Variants in RBFOX1 observed in about 807,000 individuals in gnomAD.
RBFOX1 encodes the protein RNA binding protein fox-1 homolog 1.
Under a neutral mutation model 57.7 loss-of-function variants are expected in RBFOX1, and 8 were observed. The observed-to-expected ratio is 0.14, with a 90% CI of 0.08 to 0.25. The LOEUF (loss-of-function observed/expected upper bound fraction) is 0.25. Ranked by LOEUF, RBFOX1 falls within the 10% of genes least tolerant of loss-of-function variation. The pLI, the probability that RBFOX1 is intolerant of heterozygous loss-of-function variation, is 1.00. For synonymous variants in RBFOX1, 326 were observed against 222.4 expected, an observed-to-expected ratio of 1.47 and a Z score of -4.15; for missense variants, 611 against 548.5, an observed-to-expected ratio of 1.11 and a Z score of -1.14.
intron 2 of RBFOX1, among the ~76,000 whole-genome samples, chr16:6,620,100 A>T (rs2098205736): frequency 6.6e-6 from 1 of 152,182 alleles, no homozygotes; most frequent in Non-Finnish European, 1.5e-5. Context: ...TTCTTTATCC[A>T]GTCTATCATT....
chr16:7,518,117 C>T (rs770732498), intron 4 of RBFOX1, 30 bp from the exon 5 acceptor site: 4 of 1,592,420 alleles, frequency 2.5e-6, no homozygotes, highest in South Asian at 1.1e-5. Context: ...ATGACGTTCT[C>T]TCCCTCTCTG....
chr16:5,940,587 T>C (rs776769371), intron 4 of RBFOX1, among the ~76,000 whole-genome samples: 10 of 152,182 alleles, frequency 6.6e-5, no homozygotes, highest in Admixed American at 1.3e-4. Flanking sequence ...TTTAAAAATT[T>C]CAATCAGGGC....
At chr16:5,276,510 C>T (rs766425033) in intron 1 of RBFOX1, among the ~76,000 whole-genome samples, 5 of 152,134 alleles carry the variant, frequency 3.3e-5, no homozygotes, top group East Asian at 1.9e-4. Context: ...TAGGGCCAGG[C>T]GCCGTGGCTG....
chr16:7,684,529 A>G (rs73496934), intron 14 of RBFOX1, among the ~76,000 whole-genome samples: 1,565 of 152,156 alleles, frequency 0.01, 26 homozygotes, highest in African/African-American at 0.036. Flanking sequence ...AATCATTTAG[A>G]TTGAAATGCT....
intron 1 of RBFOX1, among the ~76,000 whole-genome samples, chr16:6,205,004 T>A (rs952905501): frequency 2.6e-5 from 4 of 152,198 alleles, no homozygotes; most frequent in Non-Finnish European, 5.9e-5. Flanking sequence ...TGCCCTTTTT[T>A]AAATTACCAT....
chr16:5,934,793 G>A lies in RBFOX1; in HGVS notation c.351+67458G>A, dbSNP rs185860581. On this transcript the variant is annotated intron_variant, in intron 4 of 19. Coordinates refer to the RBFOX1 transcript ENST00000641259. ...CACAGACCAAGGCTGCACGATGGAT[G>A]AATAACATACTCAGACACTGATATT... Among the ~76,000 whole-genome samples the A allele has an allele frequency of 2.0e-5, 3 of 152,332 alleles. No individual in the cohort carries two copies. In the East Asian group the frequency reaches 5.8e-4, roughly 29 times the overall value.
At chr16:6,158,125 A>C (rs749376150) in intron 1 of RBFOX1, among the ~76,000 whole-genome samples, 22 of 152,294 alleles carry the variant, frequency 1.4e-4, no homozygotes, top group Middle Eastern at 3.4e-3. Context: ...ATGAAAGTGG[A>C]GTGGCTTCTG....
At chr16:7,225,912 A>ATATG (rs2093077395) in intron 4 of RBFOX1, among the ~76,000 whole-genome samples, 1 of 147,834 alleles carries the variant, frequency 6.8e-6, no homozygotes, top group South Asian at 2.1e-4. Flanking sequence ...ATAAATATAT[A>ATATG]TATATATAAA....
chr16:6,461,074 A>G (rs2094908235), intron 2 of RBFOX1, among the ~76,000 whole-genome samples: 1 of 152,068 alleles, frequency 6.6e-6, no homozygotes, highest in Non-Finnish European at 1.5e-5. Context: ...AGACACAGAG[A>G]GGGGAACAAC....
chr16:6,867,901 A>G (rs2142998421), intron 3 of RBFOX1, among the ~76,000 whole-genome samples: 1 of 152,290 alleles, frequency 6.6e-6, no homozygotes, highest in African/African-American at 2.4e-5. Flanking sequence ...CCATACTCTT[A>G]AACAAGAGAG....
chr16:6,135,227 T>A (rs1024487280), intron 1 of RBFOX1, among the ~76,000 whole-genome samples: 7 of 152,274 alleles, frequency 4.6e-5, no homozygotes, highest in African/African-American at 1.7e-4. Context: ...TAGATGGCAT[T>A]CCAATGCACC....
chr16:5,708,590 C>A (rs1455609151), intron 3 of RBFOX1, among the ~76,000 whole-genome samples: 1 of 152,194 alleles, frequency 6.6e-6, no homozygotes, highest in Non-Finnish European at 1.5e-5. Flanking sequence ...ACCACCTCAA[C>A]CATGTGTCTT....
rs1267582102 is a variant in RBFOX1, at chr16:7,431,624, A to C, written c.28-86523A>C. 2.0e-5 allele frequency among the ~76,000 whole-genome samples: 3 copies of C among 152,230 alleles called. No individual in the cohort carries two copies. In the East Asian group the frequency reaches 5.8e-4, roughly 29 times the overall value. Reference sequence around the variant, plus strand: ...ATGTGTCATCGGTGATATTTAATGCAACCGCCATCACTGTCCAGTTTCAGA... The same window carrying C: ...ATGTGTCATCGGTGATATTTAATGCCACCGCCATCACTGTCCAGTTTCAGA... On this transcript the variant is annotated intron_variant, in intron 4 of 15. Coordinates refer to ENST00000550418, the MANE Select transcript of RBFOX1 (RefSeq NM_018723.4).
At chr16:7,062,122 C>T (rs1403488474) in intron 4 of RBFOX1, among the ~76,000 whole-genome samples, 1 of 151,730 alleles carries the variant, frequency 6.6e-6, no homozygotes, top group Non-Finnish European at 1.5e-5. Flanking sequence ...TCGAGACTAT[C>T]CTGGCTAACA....
chr16:6,953,395 G>GTT (rs199737599), intron 3 of RBFOX1, among the ~76,000 whole-genome samples: 11 of 150,670 alleles, frequency 7.3e-5, no homozygotes, highest in Non-Finnish European at 1.2e-4. Context: ...TGTTGTTATT[G>GTT]TTTTTTTTTG....
Position 7,653,905 on chromosome 16 carries a change from T to C in RBFOX1, c.848T>C (p.Phe283Ser), listed in dbSNP as rs1568301775. The change falls in exon 12 of 16, where the codon TTC becomes TCC. Residue 283 changes from phenylalanine (F) to serine (S), a missense_variant. Around this residue, in one of 3 missense-constraint regions of RBFOX1, gnomAD observed 267 missense variants for 229.1 expected, o/e 1.17. Coordinates refer to ENST00000550418, the MANE Select transcript of RBFOX1 (RefSeq NM_018723.4). ...CGCGGTCGCACCGTGTACAACACCT[T>C]CAGGGCCGCGGCGCCCCCGCCCCCG... ...RGRGRTVYNTFRAAAPPPPIP... is the reference protein window; with the variant it reads ...RGRGRTVYNTSRAAAPPPPIP... 6.3e-7 allele frequency: 1 copy of C among 1,586,784 alleles called. No homozygotes were observed. The highest frequency in any genetic ancestry group is 2.3e-5 in the East Asian group (1 of 44,248).
At chr16:6,485,599 T>C (rs188625006) in intron 2 of RBFOX1, among the ~76,000 whole-genome samples, 1 of 152,310 alleles carries the variant, frequency 6.6e-6, no homozygotes, top group East Asian at 1.9e-4. Context: ...TATCAGGCAA[T>C]TCCACTGTAC....
intron 2 of RBFOX1, among the ~76,000 whole-genome samples, chr16:6,319,230 G>A (rs2081472295): frequency 6.6e-6 from 1 of 152,092 alleles, no homozygotes; most frequent in Admixed American, 6.6e-5. Context: ...ATTTTAGTCT[G>A]AATCCAGGTT....
rs368944902 is a variant in RBFOX1 at position 6,087,376 on chromosome 16, A to G, written c.-127+67384A>G. On this transcript the variant is annotated intron_variant, in intron 1 of 15. Coordinates refer to ENST00000550418, the MANE Select transcript of RBFOX1 (RefSeq NM_018723.4). ...AACGTTTATATATATATATATGTAT[A>G]TGTATCTACAGAAATAGGATAAAAA... is the stretch of plus-strand genomic sequence containing the variant. Among the ~76,000 whole-genome samples the G allele has an allele frequency of 4.6e-5, 7 of 152,302 alleles. No individual in the cohort carries two copies. In the East Asian group the frequency reaches 1.2e-3, roughly 25 times the overall value.
Sources: allele counts gnomAD v4.1 joint callset (sites outside exome capture counted in the v4.1 genomes callset), GRCh38; gene constraint gnomAD v4.1.1; regional missense constraint gnomAD v4.1.1; transcripts MANE v1.5; gene names NCBI Gene and HGNC (gene_info 2026-07-23, HGNC 2026-07-21).